C2CD3: variants seen among roughly 807,000 people sequenced by gnomAD.
C2CD3 encodes C2 domain-containing protein 3.
In C2CD3, 148 loss-of-function variants were observed where a neutral mutation model predicts 234.0. The observed-to-expected ratio is 0.63, with a 90% confidence interval of 0.55 to 0.72. C2CD3 has a LOEUF of 0.72. Ranked by LOEUF, C2CD3 falls within the 30% of genes least tolerant of loss-of-function variation. The pLI is 0.00. For synonymous variants in C2CD3, 1,000 were observed against 1,035.4 expected (o/e 0.97, Z 0.66); for missense variants, 2,577 against 2,811.5 (o/e 0.92, Z 1.89).
Position 74,092,546 on chromosome 11 carries a change from T to A in C2CD3, c.3387A>T (p.Gly1129=). 6.2e-7 allele frequency: 1 copy of A among 1,613,942 alleles called. No individual in the cohort carries two copies. The highest frequency in any genetic ancestry group is 8.5e-7 in the Non-Finnish European group (1 of 1,179,902). The change falls in exon 19 of 33, where the codon GGA becomes GGT. Residue 1129 remains glycine, a synonymous_variant. Coordinates refer to ENST00000334126, the MANE Select transcript of C2CD3 (RefSeq NM_001286577.2). ...PNVRDQKVAK[G]TLPLSRICAM... is the part of the protein sequence containing the mutation. ...CACAGATCCTTGATAATGGCAAGGT[T>A]CCTTTGGCGACCTTCTGGTCTCTCA...
intron 9 of C2CD3, among the ~76,000 whole-genome samples, chr11:74,115,007 T>G (rs1956876645): frequency 6.6e-6 from 1 of 152,166 alleles, no homozygotes; most frequent in East Asian, 1.9e-4. Context: ...CAGCCAAGTA[T>G]CTTGACTCAC....
At chr11:74,111,650 T>C (rs2135507104) in intron 11 of C2CD3, among the ~76,000 whole-genome samples, 1 of 152,206 alleles carries the variant, frequency 6.6e-6, no homozygotes, top group South Asian at 2.1e-4. Context: ...GCATTAATAC[T>C]TGCAGAAACA....
intron 32 of C2CD3, among the ~76,000 whole-genome samples, chr11:74,023,194 A>C (rs922141160): frequency 2.0e-5 from 3 of 152,212 alleles, no homozygotes; most frequent in Non-Finnish European, 4.4e-5. Context: ...GTCTTCGATC[A>C]TGTGGGGAAA....
intron 19 of C2CD3, among the ~76,000 whole-genome samples, chr11:74,091,839 C>T (rs1184420317): frequency 6.6e-6 from 1 of 152,144 alleles, no homozygotes; most frequent in Admixed American, 6.5e-5. Flanking sequence ...TTTACATAGA[C>T]TCCATGGAGC....
At chr11:74,129,613 T>A (rs1957566720) in intron 7 of C2CD3, 1 of 164,114 alleles carries the variant, frequency 6.1e-6, no homozygotes, top group South Asian at 1.0e-4. Context: ...GCAGAGGGGA[T>A]CCTCACATCC....
chr11:74,085,532 T>C (rs373644681), intron 21 of C2CD3, 86 bp downstream of exon 21: 1 of 1,340,184 alleles, frequency 7.5e-7, no homozygotes, highest in East Asian at 2.3e-5. Flanking sequence ...CTTTAAATAC[T>C]GCAGTATGTA....
intron 3 of C2CD3, among the ~76,000 whole-genome samples, chr11:74,140,536 C>T (rs1161697831): frequency 6.6e-6 from 1 of 152,038 alleles, no homozygotes; most frequent in African/African-American, 2.4e-5. Flanking sequence ...AGTATATTAC[C>T]CTAATTCGAA....
chr11:74,093,331 A>G (rs528552340), intron 18 of C2CD3, among the ~76,000 whole-genome samples: 1 of 147,698 alleles, frequency 6.8e-6, no homozygotes, highest in South Asian at 2.1e-4. Flanking sequence ...AAATATAATA[A>G]TTTATATATT....
At chr11:74,033,006 C>A (rs1299963135) in intron 31 of C2CD3, among the ~76,000 whole-genome samples, 1 of 152,154 alleles carries the variant, frequency 6.6e-6, no homozygotes, top group African/African-American at 2.4e-5. Context: ...TTTCTTTCCT[C>A]TTTCTCTAGA....
chr11:74,060,795 G>C (rs1954200180), intron 24 of C2CD3, among the ~76,000 whole-genome samples: 1 of 152,228 alleles, frequency 6.6e-6, no homozygotes, highest in Non-Finnish European at 1.5e-5. Context: ...GAGAGAAGAA[G>C]GCTTCAGACC....
At chr11:74,076,143 T>C (rs1955029109) in intron 23 of C2CD3, among the ~76,000 whole-genome samples, 1 of 152,238 alleles carries the variant, frequency 6.6e-6, no homozygotes, top group Non-Finnish European at 1.5e-5. Context: ...GGACATTTTC[T>C]GTAGTCCCTT....
chr11:74,070,392 C>T (rs1954739006), intron 24 of C2CD3: 1 of 152,268 alleles, frequency 6.6e-6, no homozygotes, highest in Non-Finnish European at 1.5e-5. Flanking sequence ...AGGAACCACT[C>T]ATTTCCTTCC....
In C2CD3 at chr11:74,093,813, T is replaced by C; in HGVS notation, c.3344+3A>G. ...GCATAGGACTGGGGTCTCCACACTGTACCTGCACCAGATTTCAAACTGGAC... is the reference window on the plus strand; with the variant it reads ...GCATAGGACTGGGGTCTCCACACTGCACCTGCACCAGATTTCAAACTGGAC... On this transcript the variant is annotated splice_donor_region_variant and intron_variant, in intron 18 of 32. Transcript: ENST00000334126. 1 of 1,613,336 alleles carries C rather than the reference T, an allele frequency of 6.2e-7. No individual in the cohort carries two copies. The highest frequency in any genetic ancestry group is 8.5e-7 in the Non-Finnish European group (1 of 1,179,550).
At chr11:74,068,240 T>C (rs1386564524) in intron 24 of C2CD3, among the ~76,000 whole-genome samples, 1 of 152,154 alleles carries the variant, frequency 6.6e-6, no homozygotes, top group Non-Finnish European at 1.5e-5. Context: ...TCTCATTCTT[T>C]CTCCCATTTT....
intron 26 of C2CD3, among the ~76,000 whole-genome samples, chr11:74,053,986 T>G (rs2135435093): frequency 6.6e-6 from 1 of 151,288 alleles, no homozygotes; most frequent in Admixed American, 6.6e-5. Flanking sequence ...AAAAAAATAA[T>G]TAGCAGCCAG....
chr11:74,130,662 G>T (rs1008960138), intron 7 of C2CD3, among the ~76,000 whole-genome samples: 5 of 152,068 alleles, frequency 3.3e-5, no homozygotes, highest in Non-Finnish European at 7.3e-5. Flanking sequence ...CAGACAGATG[G>T]GTTTTTTTCT....
intron 3 of C2CD3, among the ~76,000 whole-genome samples, chr11:74,160,817 C>T (rs1454762517): frequency 6.6e-6 from 1 of 152,138 alleles, no homozygotes; most frequent in Admixed American, 6.5e-5. Context: ...GATCCTTACA[C>T]AATGTATATA....
At chr11:74,051,136 A>G (rs1436173240) in intron 26 of C2CD3, among the ~76,000 whole-genome samples, 2 of 151,146 alleles carry the variant, frequency 1.3e-5, no homozygotes, top group African/African-American at 4.9e-5. Context: ...AAAACAAAAC[A>G]AAACAAAAAA....
In C2CD3 at chr11:74,100,591, C is replaced by A; in HGVS notation, c.2666G>T (p.Ser889Ile). 1 of 1,614,148 alleles carries A rather than the reference C, an allele frequency of 6.2e-7. No individual in the cohort carries two copies. Among genetic ancestry groups the A allele is most frequent in the Non-Finnish European group, 8.5e-7 (1 of 1,179,990 alleles). The change falls in exon 15 of 33, where the codon AGC becomes ATC. Residue 889 changes from serine (S) to isoleucine (I), a missense_variant. By Grantham distance (142) the Ser-to-Ile change is moderately radical (BLOSUM62 -2). Transcript: ENST00000334126. ...CCCGAGCAGCTTGTCCTGTCCTGGG[C>A]TCCGCACCTTATTCCAAGTTTCAAT... is the stretch of plus-strand genomic sequence containing the variant. The part of the protein sequence containing the change: ...MVIETWNKVR[S>I]PGQDKLLGLV...
Sources: gnomAD v4.1 joint callset for allele counts (sites outside exome capture counted in the v4.1 genomes callset) on GRCh38, gnomAD v4.1.1 for gene constraint, MANE v1.5 for transcripts, NCBI Gene and HGNC (gene_info 2026-07-23, HGNC 2026-07-21) for gene names.